The following ZBTB46 variants were observed in gnomAD, a reference collection of about 807,000 sequenced individuals.
ZBTB46 encodes the protein zinc finger and BTB domain containing 46, also known as zinc finger and BTB domain-containing protein 46.
Under a neutral mutation model 44.1 loss-of-function variants are expected in ZBTB46, and 8 were observed. The observed-to-expected ratio is 0.18, with a 90% confidence interval of 0.11 to 0.33. The LOEUF (loss-of-function observed/expected upper bound fraction) is 0.33, where lower values mean the gene tolerates loss of function less well. ZBTB46 is among the 10% of genes least tolerant of loss of function. ZBTB46 has a pLI of 1.00. For missense variants in ZBTB46, 651 were observed against 847.7 expected (o/e 0.77, Z 2.88); for synonymous variants, 409 against 382.3 (o/e 1.07, Z -0.81).
chr20:63,748,689 C>T lies in ZBTB46; in HGVS notation c.1399-1388G>A, dbSNP rs572579019. Among the ~76,000 whole-genome samples the T allele has an allele frequency of 3.9e-5, 6 of 152,330 alleles. No individual in the cohort carries two copies. The South Asian group carries it at 1.0e-3, about 26-fold the overall frequency. On this transcript the variant is annotated intron_variant, in intron 4 of 4. Transcript: ENST00000245663. ...TCAGGTCAGTCCTCCAGGCTGAACC[C>T]GGCAATGACCCCAGGCTCCCCTCGG...
In ZBTB46 at chr20:63,787,897, C is replaced by T. The variant is rs1338201807; in HGVS notation, c.937+1924G>A. The T allele has an allele frequency of 1.3e-5, 2 of 152,280 alleles. No homozygotes were observed. The highest frequency in any genetic ancestry group is 2.9e-5 in the Non-Finnish European group (2 of 68,058). 9.4% of individuals were successfully genotyped at this position (152,280 alleles called of 1,614,324 possible). A position where few individuals can be genotyped will look rare whatever the true frequency, so the allele number is the denominator to read the frequency against. The stretch of plus-strand genomic sequence containing the variant: ...ACCAGGGTCAGGAGAAGAGGCCACA[C>T]CCGCCCTGCCCAGGAAGCCCTCCAG... On this transcript the variant is annotated intron_variant, in intron 2 of 4. Transcript: ENST00000245663. This position sits in a 1 kb window ranked among gnomAD's most constrained non-coding sequence, Gnocchi z 4.6.
intron 1 of ZBTB46, among the ~76,000 whole-genome samples, chr20:63,799,914 A>T (rs2092630704): frequency 1.3e-5 from 2 of 152,142 alleles, no homozygotes; most frequent in East Asian, 3.9e-4. Flanking sequence ...GCAAAGCTGA[A>T]CTCCACAGGA....
chr20:63,785,797 T>TCA (rs1453608664), intron 2 of ZBTB46, among the ~76,000 whole-genome samples: 1 of 152,090 alleles, frequency 6.6e-6, no homozygotes, highest in African/African-American at 2.4e-5. Flanking sequence ...CTCACACAGC[T>TCA]CACAGCCTTG....
chr20:63,793,863 T>A (rs1037054447), intron 1 of ZBTB46, among the ~76,000 whole-genome samples: 4 of 152,222 alleles, frequency 2.6e-5, no homozygotes, highest in East Asian at 1.9e-4. Flanking sequence ...GTTAAAAAAA[T>A]AAATAAATAA....
At chr20:63,775,523 T>C in intron 3 of ZBTB46, 155 bp downstream of exon 3, 1 of 1,001,356 alleles carries the variant, frequency 1.0e-6, no homozygotes. Context: ...GTCCAGGCTG[T>C]GACGCCGCAT....
chr20:63,794,198 A>T lies in ZBTB46; in HGVS notation c.-33-3408T>A, dbSNP rs574191726. Among the ~76,000 whole-genome samples, 163 of 152,056 alleles carry T rather than the reference A, an allele frequency of 1.1e-3. 1 individual carries two copies. Among genetic ancestry groups the T allele is most frequent in the African/African-American group, 3.7e-3 (154 of 41,464 alleles). Reference sequence around the variant, plus strand: ...GAGCAAGACTCCGTCTCAAAAAAAAAAAAAAAAGTTATCTATCCACTAAAA... The same window carrying T: ...GAGCAAGACTCCGTCTCAAAAAAAATAAAAAAAGTTATCTATCCACTAAAA... On this transcript the variant is annotated intron_variant, in intron 1 of 4. Transcript: ENST00000245663.
At chr20:63,760,477 T>G (rs965653339) in intron 3 of ZBTB46, among the ~76,000 whole-genome samples, 1 of 152,160 alleles carries the variant, frequency 6.6e-6, no homozygotes, top group Admixed American at 6.5e-5. Flanking sequence ...TTTTGTTTTT[T>G]TTTTTTGAGA....
At chr20:63,760,319 TC>T (rs1232020729) in intron 3 of ZBTB46, among the ~76,000 whole-genome samples, 2 of 152,244 alleles carry the variant, frequency 1.3e-5, no homozygotes, top group Admixed American at 1.3e-4. Flanking sequence ...ATTGAGCTCT[TC>T]CTGTTTGCTC....
chr20:63,780,809 A>T (rs534750361), intron 2 of ZBTB46, among the ~76,000 whole-genome samples: 1 of 150,502 alleles, frequency 6.6e-6, no homozygotes, highest in African/African-American at 2.4e-5. Flanking sequence ...CTCAAAAAAA[A>T]AGGATCCTCC....
chr20:63,813,355 AG>A (rs1224962300), intron 1 of ZBTB46, among the ~76,000 whole-genome samples: 1 of 151,890 alleles, frequency 6.6e-6, no homozygotes. Flanking sequence ...AGGCTGAGGC[AG>A]GAGAATCACT....
intron 3 of ZBTB46, among the ~76,000 whole-genome samples, chr20:63,765,104 G>C (rs28386855): frequency 6.6e-6 from 1 of 150,536 alleles, no homozygotes; most frequent in Non-Finnish European, 1.5e-5. Flanking sequence ...TGTATGTGTG[G>C]TTGTGTGTGT....
chr20:63,785,214 G>C (rs2092503824), intron 2 of ZBTB46, among the ~76,000 whole-genome samples: 1 of 109,066 alleles, frequency 9.2e-6, no homozygotes, highest in Admixed American at 1.2e-4. Context: ...CCCGGCAACA[G>C]AGCGAGACTC....
At position 63,744,249 on chromosome 20, in the gene ZBTB46, A is replaced by AGAT. The variant is rs2092066388; in HGVS notation, c.*2678_*2680dup. The stretch of plus-strand genomic sequence containing the variant: ...CATTTTCTCAGTTTTTTAAAGAGGA[A>AGAT]GATGTGCAAAGTTGGAAGCAGTAAG... On this transcript the variant is annotated 3_prime_UTR_variant, in exon 5 of 5. Coordinates refer to ENST00000245663, the MANE Select transcript of ZBTB46 (RefSeq NM_001369741.1). 6.6e-6 allele frequency: 1 copy of AGAT among 152,196 alleles called. No individual in the cohort carries two copies. Among genetic ancestry groups the AGAT allele is most frequent in the Non-Finnish European group, 1.5e-5 (1 of 68,016 alleles). 9.4% of individuals were successfully genotyped at this position (152,196 alleles called of 1,614,324 possible).
chr20:63,819,131 C>T (rs1394030644), intron 1 of ZBTB46, among the ~76,000 whole-genome samples: 1 of 152,134 alleles, frequency 6.6e-6, no homozygotes, highest in Non-Finnish European at 1.5e-5. Flanking sequence ...TGAGATCGCG[C>T]CACTGCACTC....
chr20:63,757,995 C>T (rs1324002151), intron 3 of ZBTB46, among the ~76,000 whole-genome samples: 1 of 145,382 alleles, frequency 6.9e-6, no homozygotes, highest in Admixed American at 6.8e-5. Flanking sequence ...CCATCCAAAG[C>T]TCACACTCCC....
intron 1 of ZBTB46, among the ~76,000 whole-genome samples, chr20:63,818,871 CAAAA>C (rs141702422): frequency 2.5e-5 from 2 of 79,946 alleles, no homozygotes; most frequent in Non-Finnish European, 4.9e-5. Context: ...AACTCCAGCT[CAAAA>C]AAAAAAAAAA....
rs1312513846 is a variant in ZBTB46, at chr20:63,746,783, T to C, written c.*147A>G. 7.7e-7 allele frequency: 1 copy of C among 1,290,542 alleles called. No homozygotes were observed. The highest frequency in any genetic ancestry group is 2.8e-5 in the East Asian group (1 of 36,334). 79.9% of individuals were successfully genotyped at this position (1,290,542 alleles called of 1,614,324 possible). A position where few individuals can be genotyped will look rare whatever the true frequency, so the allele number is the denominator to read the frequency against. On this transcript the variant is annotated 3_prime_UTR_variant, in exon 5 of 5. Coordinates refer to ENST00000245663, the MANE Select transcript of ZBTB46 (RefSeq NM_001369741.1). Reference sequence around the variant, plus strand: ...GTCGCACCTGCTTAGCCCGCAGGGCTGGTTTCCGTGGGGGGTGGGTTCAGG... The same window carrying C: ...GTCGCACCTGCTTAGCCCGCAGGGCCGGTTTCCGTGGGGGGTGGGTTCAGG...
intron 3 of ZBTB46, among the ~76,000 whole-genome samples, chr20:63,759,473 C>T (rs1210988255): frequency 6.6e-6 from 1 of 152,166 alleles, no homozygotes; most frequent in Non-Finnish European, 1.5e-5. Flanking sequence ...GACCCACCCA[C>T]CTCAGCCTCC....
intron 1 of ZBTB46, among the ~76,000 whole-genome samples, chr20:63,815,961 A>ACAGGTGCT (rs2092752429): frequency 9.9e-6 from 1 of 101,502 alleles, no homozygotes; most frequent in Admixed American, 1.0e-4. Context: ...GCACAGGTGC[A>ACAGGTGCT]GTGGGTGCAG....
Sources: gnomAD v4.1 joint callset for allele counts (sites outside exome capture counted in the v4.1 genomes callset) on GRCh38, gnomAD v4.1.1 for gene constraint, Gnocchi (gnomAD v3.1) non-coding constraint, MANE v1.5 for transcripts, NCBI Gene and HGNC (gene_info 2026-07-23, HGNC 2026-07-21) for gene names.